SRGAP2C: variants seen among roughly 807,000 people sequenced by gnomAD.
SRGAP2C encodes the protein SLIT-ROBO Rho GTPase activating protein 2C.
In SRGAP2C, 15 loss-of-function variants were observed where a neutral mutation model predicts 25.1. The ratio of observed to expected loss-of-function variants is 0.60; its 90% CI spans 0.40 to 0.92. The LOEUF is 0.92. Ranked by LOEUF, SRGAP2C falls within the 40% of genes least tolerant of loss-of-function variation. SRGAP2C has a pLI of 0.00. For missense variants in SRGAP2C, 144 were observed against 264.4 expected, an observed-to-expected ratio of 0.54 and a Z score of 3.16; for synonymous variants, 44 against 96.6, an observed-to-expected ratio of 0.46 and a Z score of 3.19.
chr1:121,323,425 G>A, intron 3 of SRGAP2C, among the ~76,000 whole-genome samples: 1 of 151,486 alleles, frequency 6.6e-6, no homozygotes, highest in Middle Eastern at 3.4e-3. Flanking sequence ...AGATCAGCAT[G>A]GTCAACATGG....
chr1:121,270,917 T>C (rs1193391347), intron 2 of SRGAP2C, among the ~76,000 whole-genome samples: 5 of 150,880 alleles, frequency 3.3e-5, no homozygotes, highest in Admixed American at 2.0e-4. Flanking sequence ...CTCAGCCTCC[T>C]GAGTAGCTGG....
At chr1:121,239,220 ATATATATAC>A (rs1656049421) in intron 2 of SRGAP2C, among the ~76,000 whole-genome samples, 2 of 6,112 alleles carry the variant, frequency 3.3e-4, no homozygotes, top group Non-Finnish European at 4.6e-4. Context: ...ATATATATAT[ATATATATAC>A]TATATATATA....
At chr1:121,207,750 G>A (rs1166489511) in intron 2 of SRGAP2C, among the ~76,000 whole-genome samples, 1 of 151,796 alleles carries the variant, frequency 6.6e-6, no homozygotes, top group African/African-American at 2.4e-5. Flanking sequence ...ACTTCCAAAG[G>A]CTTTGAATTT....
chr1:121,286,200 T>C (rs1347776510), intron 3 of SRGAP2C, among the ~76,000 whole-genome samples: 2 of 146,546 alleles, frequency 1.4e-5, no homozygotes, highest in Non-Finnish European at 3.0e-5. Context: ...AGAATTTCTT[T>C]CTGCAAAACT....
chr1:121,375,032 T>G, intron 7 of SRGAP2C, 78 bp downstream of exon 7: 1 of 697,092 alleles, frequency 1.4e-6, no homozygotes, highest in Non-Finnish European at 2.7e-6. Flanking sequence ...CCGATACTAT[T>G]GTTCAGGAAT....
intron 2 of SRGAP2C, among the ~76,000 whole-genome samples, chr1:121,265,156 G>A (rs1482063676): frequency 7.2e-6 from 1 of 138,512 alleles, no homozygotes; most frequent in Non-Finnish European, 1.6e-5. Context: ...CCGAGATCAT[G>A]CCACTGTACT....
intron 7 of SRGAP2C, among the ~76,000 whole-genome samples, chr1:121,378,942 G>C (rs199859907): frequency 6.6e-6 from 1 of 152,146 alleles, no homozygotes; most frequent in Non-Finnish European, 1.5e-5. Flanking sequence ...CCAAAAAGAC[G>C]TTCTGAGCTC....
intron 3 of SRGAP2C, among the ~76,000 whole-genome samples, chr1:121,291,111 C>CAA (rs1166238475): frequency 0.012 from 1,166 of 101,268 alleles, 59 homozygotes; most frequent in African/African-American, 0.039. Context: ...AAAGTAAGAG[C>CAA]AAAAAAAAAA....
At chr1:121,284,318 A>G (rs1318169890) in intron 2 of SRGAP2C, among the ~76,000 whole-genome samples, 3 of 128,142 alleles carry the variant, frequency 2.3e-5, no homozygotes, top group Admixed American at 8.2e-5. Flanking sequence ...AAGTAGGAGC[A>G]TGGTCTCTAA....
In SRGAP2C at chr1:121,223,941, T is replaced by C. The variant is rs1655600291; in HGVS notation, c.67+36428T>C. On this transcript the variant is annotated intron_variant, in intron 2 of 9. Coordinates refer to ENST00000367123, the MANE Select transcript of SRGAP2C (RefSeq NM_001329984.2). ...ATAATTAATAGTCTGGTCTAAAATATAAAAACCTCAAAGTTATTAATGGAA... is the reference window on the plus strand; with the variant it reads ...ATAATTAATAGTCTGGTCTAAAATACAAAAACCTCAAAGTTATTAATGGAA... Among the ~76,000 whole-genome samples, 3 of 140,700 alleles carry C rather than the reference T, an allele frequency of 2.1e-5. No individual in the cohort carries two copies. In the South Asian group the frequency reaches 7.3e-4, roughly 34 times the overall value. 92.3% of individuals were successfully genotyped at this position (140,700 alleles called of 152,430 possible). A position where few individuals can be genotyped will look rare whatever the true frequency, so the allele number is the denominator to read the frequency against.
intron 2 of SRGAP2C, among the ~76,000 whole-genome samples, chr1:121,218,668 A>C (rs1655455165): frequency 6.6e-6 from 1 of 150,464 alleles, no homozygotes; most frequent in African/African-American, 2.5e-5. Flanking sequence ...AATCTCTTGA[A>C]CCCGGGAGGC....
intron 2 of SRGAP2C, among the ~76,000 whole-genome samples, chr1:121,233,166 A>G (rs1655862194): frequency 1.6e-5 from 2 of 127,044 alleles, no homozygotes; most frequent in Non-Finnish European, 3.3e-5. Context: ...TTTTTTTTTG[A>G]GACAGAGTCT....
chr1:121,302,306 T>C (rs1481955855), intron 3 of SRGAP2C, among the ~76,000 whole-genome samples: 1 of 152,160 alleles, frequency 6.6e-6, no homozygotes, highest in Non-Finnish European at 1.5e-5. Context: ...GAATGCAATC[T>C]GTAAACAGTT....
chr1:121,391,413 T>A lies in SRGAP2C; in HGVS notation c.*3558T>A. 6.6e-6 allele frequency: 1 copy of A among 152,250 alleles called. No homozygotes were observed. The highest frequency in any genetic ancestry group is 2.1e-4 in the South Asian group (1 of 4,822). 9.4% of individuals were successfully genotyped at this position (152,250 alleles called of 1,614,324 possible). On this transcript the variant is annotated 3_prime_UTR_variant, in exon 10 of 10. Coordinates refer to ENST00000367123, the MANE Select transcript of SRGAP2C (RefSeq NM_001329984.2). ...TCAGTGCAAGAGTGAACACACACTT[T>A]GTGCCGGCTTTAAAGAACCCAGCAC...
At chr1:121,382,047 T>TATAA (rs1252337579) in intron 7 of SRGAP2C, among the ~76,000 whole-genome samples, 3 of 152,074 alleles carry the variant, frequency 2.0e-5, no homozygotes, top group African/African-American at 7.2e-5. Context: ...TTTTTAGTCT[T>TATAA]ATAAATGCTA....
chr1:121,249,586 T>A (rs1224496944), intron 2 of SRGAP2C, among the ~76,000 whole-genome samples: 1 of 58,908 alleles, frequency 1.7e-5, no homozygotes, highest in African/African-American at 7.1e-5. Context: ...ATATATTTTT[T>A]TTTTTTTTTT....
rs1181025618 is a variant in SRGAP2C, at chr1:121,249,546, CTATATATATA to C, written c.68-35231_68-35222del. Among the ~76,000 whole-genome samples the C allele has an allele frequency of 2.5e-3, 100 of 40,148 alleles. 1 individual carries two copies. The highest frequency in any genetic ancestry group is 2.3e-3 in the Non-Finnish European group (57 of 24,852). 26.3% of individuals were successfully genotyped at this position (40,148 alleles called of 152,430 possible). On this transcript the variant is annotated intron_variant, in intron 2 of 9. Transcript: ENST00000367123. ...CAAAAGGGCTTATGATGAACATGGA[CTATATATATA>C]TATATATATATATATATATATATAT...
chr1:121,208,635 T>C (rs1284828512), intron 2 of SRGAP2C, among the ~76,000 whole-genome samples: 1 of 152,080 alleles, frequency 6.6e-6, no homozygotes, highest in Admixed American at 6.5e-5. Context: ...GTCATACCAA[T>C]CACACTATTT....
intron 6 of SRGAP2C, among the ~76,000 whole-genome samples, chr1:121,374,561 G>A (rs1659587084): frequency 1.3e-5 from 2 of 152,136 alleles, no homozygotes; most frequent in Admixed American, 6.5e-5. Flanking sequence ...CTTCAGAGTG[G>A]CATTGCAAGA....
Sources: gnomAD v4.1 joint callset for allele counts (sites outside exome capture counted in the v4.1 genomes callset) on GRCh38, gnomAD v4.1.1 for gene constraint, MANE v1.5 for transcripts, NCBI Gene and HGNC (gene_info 2026-07-23, HGNC 2026-07-21) for gene names.